Variants in CHM observed in about 807,000 individuals in gnomAD.
CHM encodes the protein rab proteins geranylgeranyltransferase component A 1.
CHM carries 10 observed loss-of-function variants against 49.0 expected under a neutral mutation model. The ratio of observed to expected loss-of-function variants is 0.20; its 90% CI spans 0.13 to 0.35. CHM has a LOEUF of 0.35. CHM is among the 10% of genes least tolerant of loss of function. The pLI, the probability that CHM is intolerant of heterozygous loss-of-function variation, is 1.00. For missense variants in CHM, 455 were observed against 478.4 expected (o/e 0.95, Z 0.46); for synonymous variants, 184 against 167.5 (o/e 1.10, Z -0.76).
intron 12 of CHM, among the ~76,000 whole-genome samples, chrX:85,888,627 G>A (rs1291671867): frequency 9.0e-6 from 1 of 111,536 alleles, no homozygotes; most frequent in Non-Finnish European, 1.9e-5. Flanking sequence ...AGAGTCCCCT[G>A]GGTTTTCTTT....
intron 9 of CHM, among the ~76,000 whole-genome samples, chrX:85,908,999 G>T (rs1926767363): frequency 9.0e-6 from 1 of 111,497 alleles, no homozygotes; most frequent in African/African-American, 3.3e-5. Context: ...CTCAACCAAG[G>T]CATGTCAAAT....
chrX:85,876,267 T>C (rs766991779), intron 13 of CHM, among the ~76,000 whole-genome samples: 1 of 111,604 alleles, frequency 9.0e-6, no homozygotes, highest in African/African-American at 3.2e-5. Flanking sequence ...ACAGAGAATG[T>C]AGAATTCAAA....
intron 3 of CHM, among the ~76,000 whole-genome samples, chrX:85,981,029 G>A (rs1454174855): frequency 9.4e-6 from 1 of 106,503 alleles, no homozygotes; most frequent in African/African-American, 3.4e-5. Context: ...AAAGGTTTTT[G>A]TTCAAAATAT....
At chrX:85,984,723 A>C (rs1412258759) in intron 2 of CHM, among the ~76,000 whole-genome samples, 1 of 111,975 alleles carries the variant, frequency 8.9e-6, no homozygotes, top group Non-Finnish European at 1.9e-5. Context: ...AGAATGAATA[A>C]ACAAACTGTC....
intron 2 of CHM, among the ~76,000 whole-genome samples, chrX:86,017,471 G>C (rs924628712): frequency 9.0e-6 from 1 of 111,536 alleles, no homozygotes; most frequent in Non-Finnish European, 1.9e-5. Context: ...TCTCATGGTA[G>C]TGAATAAGTC....
At chrX:85,914,314 C>T (rs765976026) in intron 8 of CHM, among the ~76,000 whole-genome samples, 2 of 110,853 alleles carry the variant, frequency 1.8e-5, no homozygotes, top group South Asian at 3.9e-4. Flanking sequence ...GCAAGTCTAT[C>T]TTACCTGCAG....
intron 8 of CHM, 43 bp from the exon 9 acceptor site, chrX:85,911,381 GA>G: frequency 1.5e-6 from 1 of 668,936 alleles, no homozygotes; most frequent in Non-Finnish European, 2.2e-6. Flanking sequence ...TAATTGGGTT[GA>G]AAATAAAGGT....
At position 85,864,332 on chromosome X, in the gene CHM, C is replaced by G. The variant is rs771917213; in HGVS notation, c.*298G>C. 29 of 283,217 alleles carry G rather than the reference C, an allele frequency of 1.0e-4. No individual in the cohort carries two copies. The highest frequency in any genetic ancestry group is 2.2e-3 in the Middle Eastern group (2 of 904). The allele number at this position is 283,217 out of a possible 1,213,427, so 23.3% of individuals were successfully genotyped here. A position where few individuals can be genotyped will look rare whatever the true frequency, so the allele number is the denominator to read the frequency against. ...TGTCCTAAGACCATGGAATTATTAA[C>G]AATGCATAGGATCACTTTCATATCC... is the stretch of plus-strand genomic sequence containing the variant. On this transcript the variant is annotated 3_prime_UTR_variant, in exon 15 of 15. Transcript: ENST00000357749.
chrX:85,978,876 C>A lies in CHM; in HGVS notation c.205G>T (p.Val69Leu). Reference protein sequence around the residue: ...LKEYQENSDIVSDSPVWQDQI... With the variant: ...LKEYQENSDILSDSPVWQDQI... The stretch of plus-strand genomic sequence containing the variant: ...TCTTGCCACACTGGACTGTCACTTA[C>A]AATGTCACTGTTTTCCTAAACAAAA... Residue 69 changes from valine to leucine, a missense_variant, in exon 4 of 15, where the codon GTA becomes TTA. By Grantham distance (32) the Val-to-Leu change is conservative. Transcript: ENST00000357749. 8.3e-7 allele frequency: 1 copy of A among 1,205,958 alleles called. No individual in the cohort carries two copies. Among genetic ancestry groups the A allele is most frequent in the African/African-American group, 1.7e-5 (1 of 57,700 alleles).
chrX:85,905,259 A>G (rs1926522854), intron 9 of CHM, among the ~76,000 whole-genome samples: 1 of 110,894 alleles, frequency 9.0e-6, no homozygotes, highest in Admixed American at 9.7e-5. Context: ...CGCTTTATAA[A>G]TACTTCCTGA....
At chrX:85,921,037 T>C (rs2148183133) in intron 8 of CHM, among the ~76,000 whole-genome samples, 1 of 112,356 alleles carries the variant, frequency 8.9e-6, no homozygotes, top group East Asian at 2.8e-4. Context: ...AAACTCAAAG[T>C]ATAACCATGG....
chrX:85,955,864 T>C (rs1166918999), intron 8 of CHM, among the ~76,000 whole-genome samples: 2 of 111,819 alleles, frequency 1.8e-5, no homozygotes, highest in African/African-American at 6.5e-5. Context: ...ACATACTATA[T>C]AGTAATAAAA....
At chrX:86,036,902 G>A (rs1213693684) in intron 1 of CHM, among the ~76,000 whole-genome samples, 1 of 110,986 alleles carries the variant, frequency 9.0e-6, no homozygotes, top group East Asian at 2.8e-4. Context: ...TGGGAGTCTG[G>A]TATGTGGAGG....
At chrX:85,942,210 G>A (rs1929144714) in intron 8 of CHM, among the ~76,000 whole-genome samples, 1 of 109,234 alleles carries the variant, frequency 9.2e-6, no homozygotes, top group South Asian at 4.0e-4. Flanking sequence ...ATGAAGAGGT[G>A]CCTATATATC....
intron 4 of CHM, among the ~76,000 whole-genome samples, chrX:85,967,255 T>C (rs983698441): frequency 2.7e-5 from 3 of 112,330 alleles, no homozygotes; most frequent in African/African-American, 9.7e-5. Context: ...TTTAAAACTT[T>C]ATACTGTGGT....
chrX:86,016,860 T>C (rs1245605146), intron 2 of CHM, among the ~76,000 whole-genome samples: 1 of 111,830 alleles, frequency 8.9e-6, no homozygotes, highest in Non-Finnish European at 1.9e-5. Context: ...CTGGAAAAGC[T>C]GCAGACACTC....
At chrX:85,984,447 A>T (rs967160439) in intron 2 of CHM, among the ~76,000 whole-genome samples, 2 of 111,402 alleles carry the variant, frequency 1.8e-5, no homozygotes, top group African/African-American at 6.5e-5. Context: ...CAAAATAATT[A>T]AAAAGATTGT....
intron 2 of CHM, among the ~76,000 whole-genome samples, chrX:85,991,940 T>G (rs887272387): frequency 1.5e-4 from 17 of 111,279 alleles, no homozygotes; most frequent in African/African-American, 5.5e-4. Flanking sequence ...CGTTTTACAA[T>G]TAGGGAGAAA....
At chrX:86,025,743 C>T (rs1041905352) in intron 2 of CHM, among the ~76,000 whole-genome samples, 1 of 105,253 alleles carries the variant, frequency 9.5e-6, no homozygotes, top group Non-Finnish European at 2.0e-5. Context: ...AAAACACATA[C>T]CTACACACAA....
Sources: gnomAD v4.1 joint callset for allele counts (sites outside exome capture counted in the v4.1 genomes callset) on GRCh38, gnomAD v4.1.1 for gene constraint, MANE v1.5 for transcripts, NCBI Gene and HGNC (gene_info 2026-07-23, HGNC 2026-07-21) for gene names.